Variants in ZNF804A observed in about 807,000 individuals in gnomAD.
ZNF804A encodes zinc finger protein 804A.
ZNF804A carries 2 observed loss-of-function variants against 16.5 expected under a neutral mutation model. The observed-to-expected ratio is 0.12, with a 90% CI of 0.05 to 0.38. The LOEUF is 0.38. Among genes scored for constraint, ZNF804A ranks in the 10% least tolerant of loss-of-function variants. The pLI, the probability that ZNF804A is intolerant of heterozygous loss-of-function variation, is 0.99. For synonymous variants in ZNF804A, 534 were observed against 489.6 expected, an observed-to-expected ratio of 1.09 and a Z score of -1.20; for missense variants, 1,473 against 1,390.7, an observed-to-expected ratio of 1.06 and a Z score of -0.94.
intron 1 of ZNF804A, among the ~76,000 whole-genome samples, chr2:184,660,848 A>C (rs1324012209): frequency 6.6e-6 from 1 of 152,258 alleles, no homozygotes; most frequent in African/African-American, 2.4e-5. Flanking sequence ...TTCTCAGTAG[A>C]TACTAATTTA....
chr2:184,620,934 A>G (rs893040928), intron 1 of ZNF804A, among the ~76,000 whole-genome samples: 20 of 151,668 alleles, frequency 1.3e-4, no homozygotes, highest in Admixed American at 6.6e-4. Context: ...TTTCACAATT[A>G]TTTGGATTTT....
intron 1 of ZNF804A, among the ~76,000 whole-genome samples, chr2:184,603,764 C>T (rs1559105287): frequency 6.6e-6 from 1 of 152,078 alleles, no homozygotes; most frequent in Non-Finnish European, 1.5e-5. Flanking sequence ...CACAAGCAGT[C>T]CAATTATATA....
In ZNF804A at chr2:184,872,879, G is replaced by A. The variant is rs570798912; in HGVS notation, c.255+6367G>A. On this transcript the variant is annotated intron_variant, in intron 2 of 3. Transcript: ENST00000302277. ...GTTCTGCATTCTGAAGATGTGTTTT[G>A]TTGATACAGGTATAGACAGATTGAT... 3.9e-5 allele frequency among the ~76,000 whole-genome samples: 6 copies of A among 152,270 alleles called. No individual in the cohort carries two copies. In the South Asian group the frequency reaches 1.2e-3, roughly 32 times the overall value.
chr2:184,723,396 A>G (rs1461616275), intron 1 of ZNF804A, among the ~76,000 whole-genome samples: 2 of 151,804 alleles, frequency 1.3e-5, no homozygotes, highest in Non-Finnish European at 1.5e-5. Context: ...TGATTTTCAA[A>G]ATGTTTAATT....
intron 1 of ZNF804A, among the ~76,000 whole-genome samples, chr2:184,666,023 G>A (rs549239977): frequency 3.6e-4 from 54 of 152,008 alleles, no homozygotes; most frequent in Non-Finnish European, 5.6e-4. Flanking sequence ...TTTCATCTGC[G>A]AAATCCTTTT....
At chr2:184,759,189 C>A (rs994405037) in intron 1 of ZNF804A, among the ~76,000 whole-genome samples, 1 of 149,268 alleles carries the variant, frequency 6.7e-6, no homozygotes, top group African/African-American at 2.5e-5. Flanking sequence ...CATAGGGAAC[C>A]AATTATTAAG....
intron 1 of ZNF804A, among the ~76,000 whole-genome samples, chr2:184,759,830 G>A (rs147921164): frequency 0.052 from 7,887 of 151,898 alleles, 264 homozygotes; most frequent in Middle Eastern, 0.078. Flanking sequence ...ACTCCTGCCC[G>A]CCAGAGAACA....
chr2:184,732,654 C>T (rs1258794954), intron 1 of ZNF804A, among the ~76,000 whole-genome samples: 5 of 152,122 alleles, frequency 3.3e-5, no homozygotes, highest in African/African-American at 1.2e-4. Context: ...GATTTCCCAT[C>T]CATGAACATG....
At chr2:184,679,049 C>G (rs1336191491) in intron 1 of ZNF804A, among the ~76,000 whole-genome samples, 1 of 152,116 alleles carries the variant, frequency 6.6e-6, no homozygotes, top group Non-Finnish European at 1.5e-5. Context: ...AGAAACATGT[C>G]TAGTGACAAG....
At chr2:184,610,056 A>C (rs2105671093) in intron 1 of ZNF804A, among the ~76,000 whole-genome samples, 1 of 152,274 alleles carries the variant, frequency 6.6e-6, no homozygotes, top group South Asian at 2.1e-4. Flanking sequence ...ATAGGTTGAT[A>C]GATTAATGGT....
intron 1 of ZNF804A, among the ~76,000 whole-genome samples, chr2:184,602,074 GA>G (rs1263414625): frequency 6.6e-6 from 1 of 151,864 alleles, no homozygotes; most frequent in East Asian, 1.9e-4. Flanking sequence ...TTCATATTGA[GA>G]AGATAGTCAA....
At chr2:184,712,656 A>G (rs1360253319) in intron 1 of ZNF804A, among the ~76,000 whole-genome samples, 2 of 151,754 alleles carry the variant, frequency 1.3e-5, no homozygotes, top group African/African-American at 2.4e-5. Context: ...TTCATAATGC[A>G]TATATTAGTT....
At chr2:184,819,329 T>C (rs889489831) in intron 1 of ZNF804A, among the ~76,000 whole-genome samples, 1 of 151,856 alleles carries the variant, frequency 6.6e-6, no homozygotes, top group Non-Finnish European at 1.5e-5. Context: ...CCTGGGCAAA[T>C]AATGAAATCA....
At chr2:184,691,085 G>C (rs910076691) in intron 1 of ZNF804A, among the ~76,000 whole-genome samples, 2 of 151,974 alleles carry the variant, frequency 1.3e-5, no homozygotes, top group East Asian at 1.9e-4. Flanking sequence ...CACTCCATCT[G>C]TATGGTACTT....
At chr2:184,912,384 C>T (rs551270801) in intron 2 of ZNF804A, among the ~76,000 whole-genome samples, 2 of 151,922 alleles carry the variant, frequency 1.3e-5, no homozygotes, top group Non-Finnish European at 2.9e-5. Flanking sequence ...CAAATATTGG[C>T]TGTTGCAGAT....
chr2:184,933,695 C>A lies in ZNF804A; in HGVS notation c.348C>A (p.Arg116=). 2 of 1,608,610 alleles carry A rather than the reference C, an allele frequency of 1.2e-6. No homozygotes were observed. The highest frequency in any genetic ancestry group is 1.7e-6 in the Non-Finnish European group (2 of 1,178,260). The change falls in exon 3 of 4, where the codon CGC becomes CGA. Residue 116 remains arginine (R), a synonymous_variant. Transcript: ENST00000302277. The stretch of plus-strand genomic sequence containing the variant: ...GAAAACAGGAAAAGGCACTCCAACG[C>A]CTGCACAAGCTGGCTGAGCTAAGAA... ...DERKQEKALQ[R]LHKLAELRKE...
At chr2:184,725,091 T>TAGGGGAGA (rs1693385638) in intron 1 of ZNF804A, among the ~76,000 whole-genome samples, 1 of 151,716 alleles carries the variant, frequency 6.6e-6, no homozygotes, top group African/African-American at 2.4e-5. Context: ...AGTGATTAGC[T>TAGGGGAGA]ACTAGGACTA....
At chr2:184,882,355 A>C (rs1217298469) in intron 2 of ZNF804A, among the ~76,000 whole-genome samples, 1 of 152,078 alleles carries the variant, frequency 6.6e-6, no homozygotes, top group Non-Finnish European at 1.5e-5. Flanking sequence ...GTAACATAAT[A>C]CTGGAAGAAT....
chr2:184,917,561 G>GA (rs940367663), intron 2 of ZNF804A, among the ~76,000 whole-genome samples: 2 of 151,592 alleles, frequency 1.3e-5, no homozygotes, highest in African/African-American at 4.8e-5. Flanking sequence ...CAGATATTCT[G>GA]AAAAAAAGAC....
Sources: allele counts gnomAD v4.1 joint callset (sites outside exome capture counted in the v4.1 genomes callset), GRCh38; gene constraint gnomAD v4.1.1; transcripts MANE v1.5; gene names NCBI Gene and HGNC (gene_info 2026-07-23, HGNC 2026-07-21).